Variants in RBMS3 observed in about 807,000 individuals in gnomAD.
The protein encoded by RBMS3 is RNA-binding motif, single-stranded-interacting protein 3.
RBMS3 carries 27 observed loss-of-function variants against 66.8 expected under a neutral mutation model. That is an observed-to-expected ratio of 0.40 (90% confidence interval 0.30 to 0.56). RBMS3 has a LOEUF of 0.56. RBMS3 is among the 20% of genes least tolerant of loss of function. RBMS3 has a pLI of 0.40. For synonymous variants in RBMS3, 188 were observed against 183.0 expected (o/e 1.03, Z -0.22); for missense variants, 513 against 549.5 (o/e 0.93, Z 0.66).
chr3:29,643,370 G>A (rs1321078835), intron 4 of RBMS3, among the ~76,000 whole-genome samples: 1 of 152,144 alleles, frequency 6.6e-6, no homozygotes, highest in Non-Finnish European at 1.5e-5. Context: ...GGCTTCATGA[G>A]CCTCATAGTG....
intron 4 of RBMS3, among the ~76,000 whole-genome samples, chr3:29,737,755 ATAT>A (rs1298865258): frequency 6.6e-6 from 1 of 151,878 alleles, no homozygotes; most frequent in Non-Finnish European, 1.5e-5. Flanking sequence ...AAGAATAATA[ATAT>A]TATCTCTGTT....
chr3:29,921,116 G>A (rs995078075), intron 10 of RBMS3, among the ~76,000 whole-genome samples: 1 of 152,118 alleles, frequency 6.6e-6, no homozygotes, highest in African/African-American at 2.4e-5. Flanking sequence ...AGGCTGGAGT[G>A]CAGTGGCGTG....
chr3:29,652,039 G>C (rs2050161472), intron 4 of RBMS3, among the ~76,000 whole-genome samples: 1 of 151,992 alleles, frequency 6.6e-6, no homozygotes, highest in Admixed American at 6.6e-5. Context: ...CTTCTCTTTG[G>C]ATAACTACTG....
At chr3:29,284,864 T>TTC (rs1457433202) in intron 1 of RBMS3, among the ~76,000 whole-genome samples, 20 of 130,024 alleles carry the variant, frequency 1.5e-4, no homozygotes, top group South Asian at 5.0e-4. Context: ...GAATTTTTCT[T>TTC]TTTTTTTTTT....
chr3:29,380,234 ACACG>A lies in RBMS3; in HGVS notation c.76-54508_76-54505del, dbSNP rs1234837378. Among the ~76,000 whole-genome samples, 423 of 152,008 alleles carry A rather than the reference ACACG, an allele frequency of 2.8e-3. 1 individual carries two copies. The highest frequency in any genetic ancestry group is 0.02 in the Middle Eastern group (6 of 294). ...ATCTCACACACACACACACACACAC[ACACG>A]TACATCTATAATAAGCTAACATGTT... On this transcript the variant is annotated intron_variant, in intron 1 of 14. Coordinates refer to ENST00000383767, the MANE Select transcript of RBMS3 (RefSeq NM_001003793.3).
intron 2 of RBMS3, among the ~76,000 whole-genome samples, chr3:29,486,948 T>G (rs1166305865): frequency 6.6e-6 from 1 of 151,578 alleles, no homozygotes; most frequent in East Asian, 1.9e-4. Flanking sequence ...TTTTTACTTC[T>G]CACATATTGT....
chr3:29,819,221 G>T (rs1056291962), intron 6 of RBMS3, among the ~76,000 whole-genome samples: 5 of 152,110 alleles, frequency 3.3e-5, no homozygotes, highest in Non-Finnish European at 1.5e-5. Flanking sequence ...ATCCATAGCC[G>T]TGTATTACAG....
At chr3:29,833,382 C>A (rs2058423455) in intron 6 of RBMS3, among the ~76,000 whole-genome samples, 1 of 152,016 alleles carries the variant, frequency 6.6e-6, no homozygotes. Flanking sequence ...TTTAAGGGAA[C>A]AATTCATTAA....
chr3:29,591,439 C>T (rs1410428935), intron 4 of RBMS3, among the ~76,000 whole-genome samples: 2 of 152,188 alleles, frequency 1.3e-5, no homozygotes, highest in Non-Finnish European at 2.9e-5. Flanking sequence ...AAATGGGAAG[C>T]AAGCCTAAAT....
Position 29,754,504 on chromosome 3 carries a change from G to A in RBMS3, c.558-8406G>A, listed in dbSNP as rs115123083. Among the ~76,000 whole-genome samples the A allele has an allele frequency of 1.6e-3, 243 of 152,260 alleles. 1 individual carries two copies. The highest frequency in any genetic ancestry group is 5.2e-3 in the African/African-American group (216 of 41,562). On this transcript the variant is annotated intron_variant, in intron 5 of 14. Transcript: ENST00000383767. Reference sequence around the variant, plus strand: ...GGGCTTACCCAGTTGACTGACCTCCGCTGACTCCAGTGAGGTCAGATGAAT... The same window carrying A: ...GGGCTTACCCAGTTGACTGACCTCCACTGACTCCAGTGAGGTCAGATGAAT...
intron 1 of RBMS3, among the ~76,000 whole-genome samples, chr3:29,300,433 A>G (rs998269650): frequency 6.6e-6 from 1 of 152,006 alleles, no homozygotes; most frequent in Non-Finnish European, 1.5e-5. Context: ...AATAGATTAA[A>G]TGAATGACGT....
intron 1 of RBMS3, among the ~76,000 whole-genome samples, chr3:29,407,096 A>G (rs1210851458): frequency 6.6e-6 from 1 of 152,236 alleles, no homozygotes; most frequent in East Asian, 1.9e-4. Flanking sequence ...TGTAGAATCA[A>G]TGTACATTCC....
chr3:29,377,105 A>C (rs12491094), intron 1 of RBMS3, among the ~76,000 whole-genome samples: 82,799 of 151,114 alleles, frequency 0.55, 25,655 homozygotes, highest in Non-Finnish European at 0.72. Context: ...AAAAAAAAAG[A>C]AAAGCAAAGA....
At chr3:29,734,802 G>A (rs369556632) in intron 4 of RBMS3, among the ~76,000 whole-genome samples, 1 of 152,032 alleles carries the variant, frequency 6.6e-6, no homozygotes, top group Non-Finnish European at 1.5e-5. Context: ...TCCGTTGAGT[G>A]TAATGATGAA....
intron 6 of RBMS3, among the ~76,000 whole-genome samples, chr3:29,845,125 G>A (rs1474109454): frequency 6.6e-6 from 1 of 152,150 alleles, no homozygotes; most frequent in East Asian, 1.9e-4. Context: ...GAAAGACTGG[G>A]AACATGGATA....
chr3:29,900,621 G>A (rs1407902595), intron 10 of RBMS3, among the ~76,000 whole-genome samples: 2 of 151,666 alleles, frequency 1.3e-5, no homozygotes, highest in African/African-American at 2.4e-5. Flanking sequence ...TGGAAGTTGT[G>A]TGACAAGGTC....
chr3:29,793,275 A>T (rs1345126570), intron 6 of RBMS3, among the ~76,000 whole-genome samples: 1 of 151,826 alleles, frequency 6.6e-6, no homozygotes, highest in Non-Finnish European at 1.5e-5. Flanking sequence ...GCAGAAAGAG[A>T]AACCTAGTAA....
chr3:29,576,582 C>T (rs2047128789), intron 3 of RBMS3, among the ~76,000 whole-genome samples: 1 of 152,184 alleles, frequency 6.6e-6, no homozygotes, highest in South Asian at 2.1e-4. Flanking sequence ...CAAGTTTCCC[C>T]AGGCCCCAGG....
intron 3 of RBMS3, among the ~76,000 whole-genome samples, chr3:29,495,665 G>A (rs1027255896): frequency 2.0e-5 from 3 of 151,904 alleles, no homozygotes; most frequent in Non-Finnish European, 4.4e-5. Context: ...TGATCCACTT[G>A]CCTCGGCCTC....
Sources: allele counts gnomAD v4.1 joint callset (sites outside exome capture counted in the v4.1 genomes callset), GRCh38; gene constraint gnomAD v4.1.1; transcripts MANE v1.5; gene names NCBI Gene and HGNC (gene_info 2026-07-23, HGNC 2026-07-21).